IMPG1: variants seen among roughly 807,000 people sequenced by gnomAD.
IMPG1 encodes the protein interphotoreceptor matrix proteoglycan of 150 kDa.
Under a neutral mutation model 92.0 loss-of-function variants are expected in IMPG1, and 85 were observed. The ratio of observed to expected loss-of-function variants is 0.92; its 90% CI spans 0.78 to 1.11. IMPG1 has a LOEUF of 1.11. IMPG1 is among the 50% of genes least tolerant of loss of function. The pLI, the probability that IMPG1 is intolerant of heterozygous loss-of-function variation, is 0.00. For missense variants in IMPG1, 1,022 were observed against 956.0 expected, an observed-to-expected ratio of 1.07 and a Z score of -0.91; for synonymous variants, 367 against 334.1, an observed-to-expected ratio of 1.10 and a Z score of -1.08.
intron 6 of IMPG1, among the ~76,000 whole-genome samples, chr6:76,021,628 T>A (rs1329451722): frequency 6.6e-6 from 1 of 151,786 alleles, no homozygotes; most frequent in Non-Finnish European, 1.5e-5. Context: ...CACACAGGAT[T>A]TTGATCATTT....
intron 4 of IMPG1, 145 bp from the exon 5 acceptor site, chr6:76,025,403 C>T: frequency 2.2e-6 from 1 of 452,636 alleles, no homozygotes; most frequent in Non-Finnish European, 3.9e-6. Context: ...TATTTTTAAA[C>T]TACAGAAGTA....
At position 75,966,762 on chromosome 6, in the gene IMPG1, GAAGA is replaced by G. The variant is rs143094386; in HGVS notation, c.1292-15672_1292-15669del. On this transcript the variant is annotated intron_variant, in intron 12 of 16. Coordinates refer to ENST00000369950, the MANE Select transcript of IMPG1 (RefSeq NM_001563.4). ...ATCATAGAGGACAGGATAAAATGTA[GAAGA>G]AAGACAAAAGAAAGCCTACATTTAT... Among the ~76,000 whole-genome samples the G allele has an allele frequency of 0.017, 2,559 of 152,244 alleles. 131 individuals carry two copies. In the East Asian group the frequency reaches 0.21, roughly 12 times the overall value.
At chr6:76,067,922 A>T (rs1398702469) in intron 1 of IMPG1, among the ~76,000 whole-genome samples, 2 of 152,188 alleles carry the variant, frequency 1.3e-5, no homozygotes, top group Admixed American at 1.3e-4. Context: ...CATAAACAGG[A>T]TTAAAAACAA....
chr6:75,967,167 AG>A (rs1782321384), intron 12 of IMPG1, among the ~76,000 whole-genome samples: 1 of 151,986 alleles, frequency 6.6e-6, no homozygotes, highest in Non-Finnish European at 1.5e-5. Flanking sequence ...GACAAGAGCA[AG>A]ACTTCTTATA....
chr6:75,994,026 G>A (rs1326480963), intron 12 of IMPG1, among the ~76,000 whole-genome samples: 1 of 152,210 alleles, frequency 6.6e-6, no homozygotes, highest in Non-Finnish European at 1.5e-5. Context: ...TGGTTTTCTG[G>A]CACTGGTGAG....
intron 4 of IMPG1, among the ~76,000 whole-genome samples, chr6:76,030,507 C>T (rs760815664): frequency 1.9e-4 from 29 of 152,020 alleles, no homozygotes; most frequent in African/African-American, 5.3e-4. Context: ...TCTCTCTTCA[C>T]GGATAGGTAA....
intron 12 of IMPG1, among the ~76,000 whole-genome samples, chr6:75,968,412 A>C (rs1782346265): frequency 6.6e-6 from 1 of 152,184 alleles, no homozygotes. Context: ...GTGAAATTAA[A>C]TTTAGTAAAT....
intron 1 of IMPG1, among the ~76,000 whole-genome samples, chr6:76,057,062 A>G (rs1249930738): frequency 6.6e-6 from 1 of 152,108 alleles, no homozygotes; most frequent in Non-Finnish European, 1.5e-5. Flanking sequence ...ACCAAATACC[A>G]CATGTTCTCA....
chr6:75,989,327 A>T (rs1052815630), intron 12 of IMPG1, among the ~76,000 whole-genome samples: 2 of 152,226 alleles, frequency 1.3e-5, no homozygotes, highest in African/African-American at 4.8e-5. Flanking sequence ...AAGATGCTTA[A>T]AACAAAAAGG....
At chr6:76,028,901 G>A (rs186804537) in intron 4 of IMPG1, among the ~76,000 whole-genome samples, 16 of 152,274 alleles carry the variant, frequency 1.1e-4, no homozygotes, top group African/African-American at 2.4e-4. Flanking sequence ...GGTTCCTTTC[G>A]AATTTGGAAA....
intron 14 of IMPG1, among the ~76,000 whole-genome samples, chr6:75,946,112 G>A (rs776733705): frequency 5.3e-5 from 8 of 152,166 alleles, no homozygotes; most frequent in Non-Finnish European, 1.0e-4. Flanking sequence ...GTAGTTTTCC[G>A]GGGAAGAGGC....
intron 12 of IMPG1, among the ~76,000 whole-genome samples, chr6:75,998,207 T>A (rs1782932029): frequency 6.6e-6 from 1 of 152,210 alleles, no homozygotes; most frequent in South Asian, 2.1e-4. Flanking sequence ...ACTAGATTAT[T>A]CCAATAAAGT....
chr6:75,969,857 A>G (rs1012092799), intron 12 of IMPG1, among the ~76,000 whole-genome samples: 2 of 152,236 alleles, frequency 1.3e-5, no homozygotes, highest in Non-Finnish European at 2.9e-5. Context: ...ACTATAGAAG[A>G]AAAATATTTT....
At position 76,072,588 on chromosome 6, in the gene IMPG1, C is replaced by G. The variant is rs1045759367; in HGVS notation, c.-100G>C. The G allele has an allele frequency of 3.0e-6, 2 of 675,880 alleles. No individual in the cohort carries two copies. Among genetic ancestry groups the G allele is most frequent in the Non-Finnish European group, 5.0e-6 (2 of 399,692 alleles). 41.9% of individuals were successfully genotyped at this position (675,880 alleles called of 1,614,324 possible). A position where few individuals can be genotyped will look rare whatever the true frequency, so the allele number is the denominator to read the frequency against. ...TGTGAAAAATAATTATATATTGATA[C>G]CAGATGATTGAGGATAACCTTCTTG... On this transcript the variant is annotated 5_prime_UTR_variant, in exon 1 of 17. Transcript: ENST00000369950.
chr6:75,989,555 C>T (rs1782779897), intron 12 of IMPG1, among the ~76,000 whole-genome samples: 1 of 152,176 alleles, frequency 6.6e-6, no homozygotes, highest in African/African-American at 2.4e-5. Flanking sequence ...AGCATATGCA[C>T]ATCTTGGCCG....
chr6:75,987,647 C>CT (rs529646405), intron 12 of IMPG1, among the ~76,000 whole-genome samples: 56,517 of 141,156 alleles, frequency 0.4, 11,621 homozygotes, highest in East Asian at 0.57. Context: ...GAACTCATCA[C>CT]TTTTTTTTTT....
chr6:75,932,510 C>G (rs985842720), intron 14 of IMPG1, among the ~76,000 whole-genome samples: 4 of 152,158 alleles, frequency 2.6e-5, no homozygotes, highest in African/African-American at 9.7e-5. Context: ...TGGGCTGATT[C>G]TGGGGAGACA....
chr6:75,945,339 T>A (rs566706500), intron 14 of IMPG1, among the ~76,000 whole-genome samples: 38 of 151,472 alleles, frequency 2.5e-4, no homozygotes, highest in African/African-American at 9.2e-4. Context: ...CATTTTCTTT[T>A]CTTCTCTTTT....
chr6:75,997,505 T>C (rs1447926195), intron 12 of IMPG1, among the ~76,000 whole-genome samples: 1 of 152,182 alleles, frequency 6.6e-6, no homozygotes, highest in African/African-American at 2.4e-5. Context: ...ATCAATGTGG[T>C]AGTGGGTACA....
Sources: allele counts gnomAD v4.1 joint callset (sites outside exome capture counted in the v4.1 genomes callset), GRCh38; gene constraint gnomAD v4.1.1; transcripts MANE v1.5; gene names NCBI Gene and HGNC (gene_info 2026-07-23, HGNC 2026-07-21).